AMY2B: variants seen among roughly 807,000 people sequenced by gnomAD.
AMY2B encodes the protein amylase alpha 2B.
In AMY2B, 63 loss-of-function variants were observed where a neutral mutation model predicts 59.3. That is an observed-to-expected ratio of 1.06 (90% CI 0.87 to 1.31). AMY2B has a LOEUF of 1.31. Among genes scored for constraint, AMY2B ranks in the 50% most tolerant of loss-of-function variants. The probability of loss-of-function intolerance (pLI) is 0.00; values close to 1 mark genes in which losing one functional copy is unlikely to be tolerated. For missense variants in AMY2B, 635 were observed against 626.7 expected (o/e 1.01, Z -0.14); for synonymous variants, 180 against 198.1 (o/e 0.91, Z 0.77).
At chr1:103,561,440 G>A (rs1193152038) in intron 1 of AMY2B, among the ~76,000 whole-genome samples, 1 of 151,930 alleles carries the variant, frequency 6.6e-6, no homozygotes, top group Non-Finnish European at 1.5e-5. Flanking sequence ...GCTAATTTTT[G>A]TAGTTTTAGT....
intron 1 of AMY2B, among the ~76,000 whole-genome samples, chr1:103,564,252 T>C (rs978217960): frequency 3.3e-5 from 5 of 152,126 alleles, no homozygotes; most frequent in African/African-American, 1.2e-4. Context: ...AATGGAAAAG[T>C]CAGGATTTAT....
At chr1:103,576,764 T>G (rs1652371610) in intron 7 of AMY2B, among the ~76,000 whole-genome samples, 1 of 152,232 alleles carries the variant, frequency 6.6e-6, no homozygotes, top group African/African-American at 2.4e-5. Context: ...ACTTAATTTT[T>G]ATAGCAAAAA....
At chr1:103,572,716 AG>A (rs1167837687) in intron 2 of AMY2B, among the ~76,000 whole-genome samples, 1 of 152,190 alleles carries the variant, frequency 6.6e-6, no homozygotes, top group Admixed American at 6.5e-5. Flanking sequence ...TAGAGAGTAC[AG>A]GCTTTCTCCT....
In AMY2B at chr1:103,575,727, A is replaced by T; in HGVS notation, c.1101+187A>T. 3.3e-6 allele frequency: 3 copies of T among 901,140 alleles called. No individual in the cohort carries two copies. In the East Asian group the frequency reaches 8.9e-5, roughly 27 times the overall value. The allele number at this position is 901,140 out of a possible 1,614,324, so 55.8% of individuals were successfully genotyped here. On this transcript the variant is annotated intron_variant, in intron 7 of 9. Coordinates refer to ENST00000684275, the MANE Select transcript of AMY2B (RefSeq NM_001387437.1). ...AAATATATATTTTCCATTGACAAAG[A>T]GTATGCAAGCCTTTTCAGACATATG...
At chr1:103,558,128 G>T (rs1435899160) in intron 1 of AMY2B, among the ~76,000 whole-genome samples, 4 of 152,064 alleles carry the variant, frequency 2.6e-5, no homozygotes, top group Non-Finnish European at 4.4e-5. Flanking sequence ...GTTGAATTTG[G>T]GAATGTCCAT....
intron 1 of AMY2B, among the ~76,000 whole-genome samples, chr1:103,558,211 T>C (rs1413434884): frequency 6.6e-6 from 1 of 152,228 alleles, no homozygotes; most frequent in Non-Finnish European, 1.5e-5. Flanking sequence ...TGCTAAAGCA[T>C]GTGTCAAAAT....
At chr1:103,566,725 A>G (rs1651923276), upstream of AMY2B, among the ~76,000 whole-genome samples, 1 of 152,124 alleles carries the variant, frequency 6.6e-6, no homozygotes, top group Non-Finnish European at 1.5e-5. Flanking sequence ...TGTCTTTGTC[A>G]CTTACCATAT....
At chr1:103,571,862 A>G in intron 1 of AMY2B, 92 bp downstream of exon 1, 1 of 1,609,946 alleles carries the variant, frequency 6.2e-7, no homozygotes, top group South Asian at 1.1e-5. Flanking sequence ...GCAACATTTT[A>G]CTTCACAGGT....
At position 103,573,656 on chromosome 1, in the gene AMY2B, C is replaced by T. The variant is rs377709340; in HGVS notation, c.514-52C>T. 2.4e-4 allele frequency: 388 copies of T among 1,607,036 alleles called. 4 individuals carry two copies. The South Asian group carries it at 3.5e-3, about 15-fold the overall frequency. ...ATAAATGAATAATCAAATGGATTCTCATGTGAAAAATGAGGTTTTATGAAT... is the reference window on the plus strand; with the variant it reads ...ATAAATGAATAATCAAATGGATTCTTATGTGAAAAATGAGGTTTTATGAAT... On this transcript the variant is annotated intron_variant, in intron 3 of 9. Transcript: ENST00000684275.
chr1:103,569,489 C>G (rs557161193), upstream of AMY2B: 1 of 231,098 alleles, frequency 4.3e-6, no homozygotes, highest in African/African-American at 2.3e-5. Flanking sequence ...AAACCAGTCA[C>G]CTCTGCCAGC....
At chr1:103,575,728 G>T in intron 7 of AMY2B, 188 bp downstream of exon 7, 2 of 855,772 alleles carry the variant, frequency 2.3e-6, no homozygotes, top group South Asian at 2.0e-5. Context: ...TTGACAAAGA[G>T]TATGCAAGCC....
At position 103,577,530 on chromosome 1, in the gene AMY2B, T is replaced by G. The variant is rs1652407139; in HGVS notation, c.1142T>G (p.Val381Gly). ...DWVGPPNNNG[V>G]IKEVTINPDT... The stretch of plus-strand genomic sequence containing the variant: ...GTTGGGCCACCAAATAATAATGGAG[T>G]AATTAAAGAAGTTACTATTAATCCA... The change falls in exon 8 of 10, where the codon GTA becomes GGA. Residue 381 changes from valine (V) to glycine (G), a missense_variant. Transcript: ENST00000684275. 6.2e-7 allele frequency: 1 copy of G among 1,611,688 alleles called. No homozygotes were observed. The highest frequency in any genetic ancestry group is 8.5e-7 in the Non-Finnish European group (1 of 1,179,788).
At chr1:103,569,757 C>T (rs1488107973), upstream of AMY2B, 7 of 419,658 alleles carry the variant, frequency 1.7e-5, no homozygotes, top group Admixed American at 2.7e-5. Flanking sequence ...CCCTGAAGTA[C>T]CCCCATTAAG....
chr1:103,578,487 A>G (rs1435281435), intron 9 of AMY2B, among the ~76,000 whole-genome samples: 1 of 152,194 alleles, frequency 6.6e-6, no homozygotes, highest in African/African-American at 2.4e-5. Context: ...TATAGCTCAG[A>G]AGACCTCGTT....
chr1:103,575,818 G>A, intron 7 of AMY2B: 1 of 359,572 alleles, frequency 2.8e-6, no homozygotes, highest in Non-Finnish European at 4.9e-6. Flanking sequence ...TAGGCACAGG[G>A]ATTAAAATAT....
chr1:103,570,219 T>A, upstream of AMY2B: 4 of 514,384 alleles, frequency 7.8e-6, no homozygotes, highest in Admixed American at 6.5e-5. Context: ...CCCTGGACTT[T>A]GAGCAGTAGA....
At chr1:103,554,850 T>G (rs996722256) in exon 1 of AMY2B, 1 of 152,598 alleles carries the variant, frequency 6.6e-6, no homozygotes, top group Non-Finnish European at 1.5e-5. Flanking sequence ...TCTGTAGGCA[T>G]AGTTAAAAAG....
rs1385058912 is a variant in AMY2B at position 103,574,353 on chromosome 1, G to C, written c.838G>C (p.Val280Leu). 1 of 1,611,688 alleles carries C rather than the reference G, an allele frequency of 6.2e-7. No individual in the cohort carries two copies. ...EFKYGAKLGT[V>L]IRKWNGEKMS... ...CAAGTATGGTGCAAAACTCGGCACA[G>C]TTATTCGCAAGTGGAATGGAGAGAA... The change falls in exon 5 of 10, where the codon GTT becomes CTT. Residue 280 changes from valine (V) to leucine (L), a missense_variant. Coordinates refer to ENST00000684275, the MANE Select transcript of AMY2B (RefSeq NM_001387437.1).
At chr1:103,567,627 C>G (rs576197372), upstream of AMY2B, among the ~76,000 whole-genome samples, 13 of 152,298 alleles carry the variant, frequency 8.5e-5, no homozygotes, top group South Asian at 6.2e-4. Flanking sequence ...CCTTTCCACT[C>G]TTATCCTCCT....
Sources: gnomAD v4.1 joint callset for allele counts (sites outside exome capture counted in the v4.1 genomes callset) on GRCh38, gnomAD v4.1.1 for gene constraint, MANE v1.5 for transcripts, NCBI Gene and HGNC (gene_info 2026-07-23, HGNC 2026-07-21) for gene names.